Variants in OR3A2 observed in about 807,000 individuals in gnomAD.
The protein encoded by OR3A2 is olfactory receptor family 3 subfamily A member 2, also known as olfactory receptor 3A2.
For synonymous variants in OR3A2, 126 were observed against 159.3 expected, an observed-to-expected ratio of 0.79 and a Z score of 1.57; for missense variants, 318 against 392.8, an observed-to-expected ratio of 0.81 and a Z score of 1.61.
intron 2 of OR3A2, among the ~76,000 whole-genome samples, chr17:3,382,177 A>T (rs1067094): frequency 0.69 from 105,481 of 151,856 alleles, 38,261 homozygotes; most frequent in East Asian, 1. Flanking sequence ...TGTGAGAAGG[A>T]GGGGGCCATG....
chr17:3,321,458 A>C (rs9709107), intron 3 of OR3A2, among the ~76,000 whole-genome samples: 54,254 of 150,192 alleles, frequency 0.36, 10,360 homozygotes, highest in South Asian at 0.5. Context: ...GTCTTGTGCC[A>C]GTTTTCAAAG....
intron 3 of OR3A2, among the ~76,000 whole-genome samples, chr17:3,316,339 C>T (rs2049082591): frequency 6.6e-6 from 1 of 152,092 alleles, no homozygotes; most frequent in South Asian, 2.1e-4. Context: ...TTGAGTACAT[C>T]CACGATCCAT....
chr17:3,291,586 CT>C, intron 3 of OR3A2: 1 of 1,458,396 alleles, frequency 6.9e-7, no homozygotes. Context: ...CTCTAGAAGA[CT>C]TTTCCTTTAG....
intron 3 of OR3A2, among the ~76,000 whole-genome samples, chr17:3,298,911 C>T (rs2048941885): frequency 6.6e-6 from 1 of 152,144 alleles, no homozygotes; most frequent in Non-Finnish European, 1.5e-5. Flanking sequence ...TTAGCCCTTC[C>T]AGGAAGGTTC....
intron 1 of OR3A2, among the ~76,000 whole-genome samples, chr17:3,283,952 A>G (rs2048792308): frequency 7.0e-6 from 1 of 142,382 alleles, no homozygotes; most frequent in South Asian, 2.4e-4. Context: ...CACGAGGCCC[A>G]CTGGGGAGCC....
intron 3 of OR3A2, among the ~76,000 whole-genome samples, chr17:3,315,216 CT>C (rs1181907563): frequency 4.6e-5 from 7 of 152,194 alleles, no homozygotes; most frequent in Non-Finnish European, 1.0e-4. Context: ...AATGGGACTG[CT>C]GGGTCAAATA....
intron 3 of OR3A2, among the ~76,000 whole-genome samples, chr17:3,326,243 A>G (rs1404312163): frequency 2.0e-5 from 3 of 152,110 alleles, no homozygotes; most frequent in Admixed American, 6.5e-5. Context: ...TAGTGCTGCA[A>G]TGAACATATG....
intron 2 of OR3A2, among the ~76,000 whole-genome samples, chr17:3,363,197 A>C (rs934126970): frequency 6.6e-6 from 1 of 151,820 alleles, no homozygotes; most frequent in East Asian, 1.9e-4. Context: ...TGTCTTTTCT[A>C]CCTCATGGTC....
chr17:3,286,792 T>G (rs1427772658), upstream of OR3A2, among the ~76,000 whole-genome samples: 2 of 152,236 alleles, frequency 1.3e-5, no homozygotes, highest in Admixed American at 6.5e-5. Context: ...TAAATTTGTT[T>G]AAGTTCTTTG....
chr17:3,371,707 C>T (rs2049624715), intron 2 of OR3A2, among the ~76,000 whole-genome samples: 2 of 144,028 alleles, frequency 1.4e-5, no homozygotes, highest in Non-Finnish European at 1.5e-5. Flanking sequence ...CTGACCCCCC[C>T]ACCTCCCTCC....
At chr17:3,338,990 G>A (rs146780203) in intron 2 of OR3A2, among the ~76,000 whole-genome samples, 1 of 152,256 alleles carries the variant, frequency 6.6e-6, no homozygotes, top group Non-Finnish European at 1.5e-5. Flanking sequence ...CACAACCTTT[G>A]TAAGTTGGAT....
chr17:3,292,596 G>T, intron 3 of OR3A2: 1 of 1,575,718 alleles, frequency 6.3e-7, no homozygotes, highest in Non-Finnish European at 8.7e-7. Context: ...TTCCTGCAAA[G>T]AAACATCCAG....
At chr17:3,364,387 A>T (rs1314144966) in intron 2 of OR3A2, among the ~76,000 whole-genome samples, 1 of 152,212 alleles carries the variant, frequency 6.6e-6, no homozygotes, top group Non-Finnish European at 1.5e-5. Flanking sequence ...ATTTTGAAAC[A>T]TACAATATGC....
intron 1 of OR3A2, among the ~76,000 whole-genome samples, chr17:3,282,475 T>A (rs569593958): frequency 2.0e-5 from 3 of 151,808 alleles, no homozygotes; most frequent in Admixed American, 6.6e-5. Flanking sequence ...TGCATCTCAC[T>A]GGAGTCTCTA....
rs776537207 is a variant in OR3A2 at position 3,311,056 on chromosome 17, C to T, written c.-85+24977G>A. On this transcript the variant is annotated intron_variant, in intron 3 of 4. Transcript: ENST00000573491. The surrounding 1 kb of genome is among the most constrained non-coding windows in gnomAD (Gnocchi z 4.6). ...TTCTCCACGTGTAGTTCCCACCTCA[C>T]TGTGGTGGGCATCTTCTATGGGACG... 1.8e-6 allele frequency: 1 copy of T among 545,990 alleles called. No individual in the cohort carries two copies. The highest frequency in any genetic ancestry group is 1.4e-5 in the South Asian group (1 of 72,582). The allele number at this position is 545,990 out of a possible 1,614,324, so 33.8% of individuals were successfully genotyped here.
intron 2 of OR3A2, among the ~76,000 whole-genome samples, chr17:3,368,857 C>T (rs1253981928): frequency 6.6e-6 from 1 of 152,130 alleles, no homozygotes; most frequent in Admixed American, 6.5e-5. Context: ...ATTGATTCTA[C>T]CCATTCATGA....
chr17:3,381,283 T>C (rs1485381640), intron 2 of OR3A2, among the ~76,000 whole-genome samples: 1 of 151,956 alleles, frequency 6.6e-6, no homozygotes, highest in Non-Finnish European at 1.5e-5. Flanking sequence ...CATTTTAGCA[T>C]GGAGTTGAAG....
chr17:3,278,108 A>G (rs770132361), exon 2 of OR3A2: 21 of 1,614,114 alleles, frequency 1.3e-5, no homozygotes, highest in Non-Finnish European at 1.8e-5. Context: ...CCTTGTCTGA[A>G]GCCTCCTCTG....
In OR3A2 at chr17:3,360,967, A is replaced by G. The variant is rs537987266; in HGVS notation, c.-179+22837T>C. Among the ~76,000 whole-genome samples the G allele has an allele frequency of 6.8e-3, 1,024 of 151,680 alleles. 54 individuals are homozygous for G. Among genetic ancestry groups the G allele is most frequent in the Middle Eastern group, 0.027 (8 of 294 alleles). On this transcript the variant is annotated intron_variant, in intron 2 of 4. Coordinates refer to the OR3A2 transcript ENST00000573491. ...CAATTCTGTGAAGAAAGTCATTGGT[A>G]GCTTGATGGGGATGGCATTGAATCT...
Sources: gnomAD v4.1 joint callset for allele counts (sites outside exome capture counted in the v4.1 genomes callset) on GRCh38, gnomAD v4.1.1 for gene constraint, Gnocchi (gnomAD v3.1) non-coding constraint, MANE v1.5 for transcripts, NCBI Gene and HGNC (gene_info 2026-07-23, HGNC 2026-07-21) for gene names.